The following SPINK5 variants were observed in gnomAD, a reference collection of about 807,000 sequenced individuals.
The protein encoded by SPINK5 is serine peptidase inhibitor Kazal type 5.
A neutral mutation model predicts 151.8 loss-of-function variants in SPINK5; 125 were observed. The observed-to-expected ratio is 0.82, with a 90% CI of 0.71 to 0.96. The LOEUF (loss-of-function observed/expected upper bound fraction) is 0.96. Ranked by LOEUF, SPINK5 falls within the 40% of genes least tolerant of loss-of-function variation. The pLI is 0.00. For missense variants in SPINK5, 1,194 were observed against 1,291.9 expected (o/e 0.92, Z 1.16); for synonymous variants, 374 against 395.3 (o/e 0.95, Z 0.64).
At chr5:148,105,080 A>C in intron 16 of SPINK5, 80 bp downstream of exon 16, 1 of 1,458,632 alleles carries the variant, frequency 6.9e-7, no homozygotes, top group Non-Finnish European at 9.5e-7. Flanking sequence ...TATTAGAATA[A>C]ATGTTTTCTG....
At chr5:148,069,752 T>A (rs1379208716) in intron 2 of SPINK5, among the ~76,000 whole-genome samples, 1 of 152,168 alleles carries the variant, frequency 6.6e-6, no homozygotes, top group Non-Finnish European at 1.5e-5. Context: ...AAGGTAAGTC[T>A]GCCTGTGCTC....
chr5:148,064,195 C>T (rs1043377771), intron 1 of SPINK5, 96 bp downstream of exon 1: 76 of 1,264,070 alleles, frequency 6.0e-5, no homozygotes, highest in South Asian at 2.0e-4. Context: ...AAAATGTTTA[C>T]GTATGCATGT....
At chr5:148,069,701 G>A (rs1487540930) in intron 2 of SPINK5, among the ~76,000 whole-genome samples, 1 of 152,104 alleles carries the variant, frequency 6.6e-6, no homozygotes, top group Non-Finnish European at 1.5e-5. Flanking sequence ...GAAGGGGGAT[G>A]TGACAGTGAA....
chr5:148,095,394 T>A (rs1204577696), intron 9 of SPINK5, among the ~76,000 whole-genome samples: 1 of 151,878 alleles, frequency 6.6e-6, no homozygotes, highest in Non-Finnish European at 1.5e-5. Flanking sequence ...TGAATGAAGA[T>A]CTCCCACTCT....
At chr5:148,109,555 T>G (rs1376890080) in intron 18 of SPINK5, among the ~76,000 whole-genome samples, 1 of 151,066 alleles carries the variant, frequency 6.6e-6, no homozygotes, top group Non-Finnish European at 1.5e-5. Flanking sequence ...ATAATTATAA[T>G]TATATGTAGT....
At chr5:148,066,671 AC>A (rs1752595053) in intron 2 of SPINK5, among the ~76,000 whole-genome samples, 1 of 152,116 alleles carries the variant, frequency 6.6e-6, no homozygotes, top group South Asian at 2.1e-4. Flanking sequence ...GAGCATGCTC[AC>A]TTGGAAGTTT....
chr5:148,112,910 A>G lies in SPINK5; in HGVS notation c.1863A>G (p.Ala621=). The G allele has an allele frequency of 3.1e-6, 5 of 1,613,948 alleles. No individual in the cohort carries two copies. Among genetic ancestry groups the G allele is most frequent in the Non-Finnish European group, 3.4e-6 (4 of 1,179,900 alleles). The change falls in exon 20 of 33, where the codon GCA becomes GCG. Residue 621 remains alanine, a synonymous_variant. Transcript: ENST00000256084. Reference sequence around the variant, plus strand: ...AAAAAGAAAGAGCTGAACCCAGAGCAAAAGTCAAAAGAGAAGCTGAAAAGG... The same window carrying G: ...AAAAAGAAAGAGCTGAACCCAGAGCGAAAGTCAAAAGAGAAGCTGAAAAGG... ...AKEKERAEPR[A]KVKREAEKET...
chr5:148,106,820 C>T (rs1753793476), intron 16 of SPINK5, among the ~76,000 whole-genome samples: 2 of 152,152 alleles, frequency 1.3e-5, no homozygotes, highest in Admixed American at 1.3e-4. Flanking sequence ...CAACACAACA[C>T]ACACGTATGT....
intron 30 of SPINK5, among the ~76,000 whole-genome samples, chr5:148,128,856 C>A (rs1278979658): frequency 2.6e-5 from 4 of 151,970 alleles, no homozygotes; most frequent in Non-Finnish European, 1.5e-5. Context: ...AGGTTAATAG[C>A]CATAAACAAA....
rs1272614672 is a variant in SPINK5, at chr5:148,111,739, T to A, written c.1693-29T>A. ...TTTCTAGTGTTTAGTTATTGGACTC[T>A]TAAAACCTGCTTCTGCTTCATTTGG... On this transcript the variant is annotated intron_variant, in intron 18 of 32. Coordinates refer to ENST00000256084, the MANE Select transcript of SPINK5 (RefSeq NM_006846.4). 1.9e-6 allele frequency: 3 copies of A among 1,613,824 alleles called. No homozygotes were observed. The South Asian group carries it at 3.3e-5, about 18-fold the overall frequency.
chr5:148,111,704 T>G (rs1753932289), intron 18 of SPINK5, 64 bp from the exon 19 acceptor site: 2 of 1,611,450 alleles, frequency 1.2e-6, no homozygotes, highest in Middle Eastern at 1.7e-4. Context: ...AGCAGTATTG[T>G]GGAGGAAGAT....
rs553117215 is a variant in SPINK5, at chr5:148,125,465, G to A, written c.2740-258G>A. ...ATGGGGAAAGGAAGGATGGATGAAC[G>A]GGAGAAAAAAACAGGAAGGTCTATC... On this transcript the variant is annotated intron_variant, in intron 28 of 32. Transcript: ENST00000256084. The A allele has an allele frequency of 2.1e-5, 31 of 1,480,826 alleles. No homozygotes were observed. The East Asian group carries it at 4.7e-4, about 23-fold the overall frequency. 91.7% of individuals were successfully genotyped at this position (1,480,826 alleles called of 1,614,324 possible).
At chr5:148,113,365 G>C (rs1306387415) in intron 20 of SPINK5, among the ~76,000 whole-genome samples, 1 of 152,152 alleles carries the variant, frequency 6.6e-6, no homozygotes, top group Non-Finnish European at 1.5e-5. Context: ...ATGAGTATCA[G>C]TACCAATAGC....
At chr5:148,111,286 T>C (rs558656035) in intron 18 of SPINK5, among the ~76,000 whole-genome samples, 1 of 152,274 alleles carries the variant, frequency 6.6e-6, no homozygotes, top group South Asian at 2.1e-4. Flanking sequence ...TCTTGCAGTT[T>C]TAAGGACTGA....
intron 2 of SPINK5, among the ~76,000 whole-genome samples, chr5:148,069,195 TA>T (rs1338824285): frequency 1.3e-5 from 2 of 151,978 alleles, no homozygotes; most frequent in African/African-American, 4.8e-5. Context: ...CACCATATTT[TA>T]AGCTCCTAAA....
rs1353411208 is a variant in SPINK5, at chr5:148,064,008, T to TACA, written c.-37_-36insACA. ...CATACTGCACCAGCTGAGCAATGCA[T>TACA]GGAGTGGACCTGTAGGCGACTTGCA... On this transcript the variant is annotated 5_prime_UTR_variant, in exon 1 of 33. The change abolishes an upstream ATG in the 5' untranslated region. Coordinates refer to ENST00000256084, the MANE Select transcript of SPINK5 (RefSeq NM_006846.4). 1.9e-6 allele frequency: 3 copies of TACA among 1,613,140 alleles called. No individual in the cohort carries two copies. The South Asian group carries it at 3.3e-5, about 18-fold the overall frequency.
intron 10 of SPINK5, among the ~76,000 whole-genome samples, chr5:148,097,004 AACT>A (rs1581076546): frequency 6.6e-6 from 1 of 151,440 alleles, no homozygotes; most frequent in Non-Finnish European, 1.5e-5. Context: ...AATATCTGTC[AACT>A]ACTATTTTAT....
intron 4 of SPINK5, among the ~76,000 whole-genome samples, chr5:148,077,929 CAA>C: frequency 6.6e-6 from 1 of 150,688 alleles, no homozygotes; most frequent in Non-Finnish European, 1.5e-5. Flanking sequence ...ATATTGAAAA[CAA>C]ATAGAAAAGT....
Position 148,107,047 on chromosome 5 carries a change from G to A in SPINK5, c.1490G>A (p.Ser497Asn). The change falls in exon 17 of 33, where the codon AGT becomes AAT. Residue 497 changes from serine to asparagine, a missense_variant. Transcript: ENST00000256084. ...TTCTTCATTTCCCAGGAAATCTGCA[G>A]TGAATTTCGGGACCAAGTGAGGAAT... is the stretch of plus-strand genomic sequence containing the variant. ...AKREAAKEIC[S>N]EFRDQVRNGT... 2 of 1,612,754 alleles carry A rather than the reference G, an allele frequency of 1.2e-6. No homozygotes were observed. The highest frequency in any genetic ancestry group is 1.7e-6 in the Non-Finnish European group (2 of 1,179,124).
Sources: gnomAD v4.1 joint callset for allele counts (sites outside exome capture counted in the v4.1 genomes callset) on GRCh38, gnomAD v4.1.1 for gene constraint, MANE v1.5 for transcripts, NCBI Gene and HGNC (gene_info 2026-07-23, HGNC 2026-07-21) for gene names.